HDAC9: variants seen among roughly 807,000 people sequenced by gnomAD.
HDAC9 encodes MEF-2 interacting transcription repressor (MITR) protein.
Under a neutral mutation model 139.4 loss-of-function variants are expected in HDAC9, and 41 were observed. That is an observed-to-expected ratio of 0.29 (90% CI 0.23 to 0.38). The LOEUF (loss-of-function observed/expected upper bound fraction) is 0.38. Ranked by LOEUF, HDAC9 falls within the 10% of genes least tolerant of loss-of-function variation. The pLI, the probability that HDAC9 is intolerant of heterozygous loss-of-function variation, is 1.00. For missense variants in HDAC9, 1,147 were observed against 1,297.0 expected (o/e 0.88, Z 1.78); for synonymous variants, 517 against 476.2 (o/e 1.09, Z -1.12).
rs116698970 is a variant in HDAC9 at position 18,617,780 on chromosome 7, C to T, written c.665-11570C>T. Among the ~76,000 whole-genome samples, 1,394 of 152,160 alleles carry T rather than the reference C, an allele frequency of 9.2e-3. 17 individuals are homozygous for T. Among genetic ancestry groups the T allele is most frequent in the African/African-American group, 0.032 (1,327 of 41,522 alleles). On this transcript the variant is annotated intron_variant, in intron 6 of 25. Transcript: ENST00000686413. ...CTCATAATTGGCACTGAATAAATTT[C>T]TGTTATATGAGTAAATGAATATATG...
chr7:18,163,313 TTTAG>T (rs1479614708), intron 2 of HDAC9, among the ~76,000 whole-genome samples: 2 of 152,178 alleles, frequency 1.3e-5, no homozygotes, highest in African/African-American at 4.8e-5. Flanking sequence ...TCCCTGAGTC[TTTAG>T]TCACAACCAT....
intron 12 of HDAC9, among the ~76,000 whole-genome samples, chr7:18,723,123 T>C (rs1785262518): frequency 6.6e-6 from 1 of 152,186 alleles, no homozygotes; most frequent in Non-Finnish European, 1.5e-5. Context: ...TCTCATATTT[T>C]TTTTCTCAGC....
chr7:18,685,816 A>G (rs554634385), intron 12 of HDAC9, among the ~76,000 whole-genome samples: 32 of 152,108 alleles, frequency 2.1e-4, no homozygotes, highest in African/African-American at 6.3e-4. Context: ...ATATATGCAG[A>G]AATAGCGTGT....
chr7:18,732,617 A>G (rs1340321256), intron 13 of HDAC9, among the ~76,000 whole-genome samples: 1 of 144,534 alleles, frequency 6.9e-6, no homozygotes, highest in Non-Finnish European at 1.5e-5. Flanking sequence ...ATATGTGTAT[A>G]TACACACACG....
intron 22 of HDAC9, among the ~76,000 whole-genome samples, chr7:18,883,573 AAT>A (rs1190861003): frequency 1.3e-5 from 2 of 152,140 alleles, no homozygotes; most frequent in Admixed American, 6.6e-5. Context: ...TAAGGCTATA[AAT>A]ACATCATACT....
chr7:18,922,310 A>G (rs890255321), intron 22 of HDAC9, among the ~76,000 whole-genome samples: 18 of 152,054 alleles, frequency 1.2e-4, no homozygotes, highest in Non-Finnish European at 1.6e-4. Context: ...TTTAAATTCT[A>G]TATGTTTTCT....
At position 18,593,922 on chromosome 7, in the gene HDAC9, C is replaced by T. The variant is rs1831708864; in HGVS notation, c.557C>T (p.Thr186Ile). ...GTCTTTTCTAGGGCTGCCCACCACA[C>T]ATCATTGGATCAAAGCTCTCCACCC... Reference protein sequence around the residue: ...PKLWYTAAHHTSLDQSSPPLS... With the variant: ...PKLWYTAAHHISLDQSSPPLS... The change falls in exon 6 of 26, where the codon ACA becomes ATA. Residue 186 changes from threonine to isoleucine, a missense_variant. Physicochemically the swap from Thr to Ile is moderately conservative, Grantham distance 89. Transcript: ENST00000686413. 2 of 1,612,766 alleles carry T rather than the reference C, an allele frequency of 1.2e-6. No homozygotes were observed.
At chr7:18,861,496 C>T (rs1362014250) in intron 21 of HDAC9, among the ~76,000 whole-genome samples, 1 of 152,102 alleles carries the variant, frequency 6.6e-6, no homozygotes, top group African/African-American at 2.4e-5. Context: ...AGGGAGGTGG[C>T]ATCATTCTCT....
At chr7:18,748,920 T>C (rs1788211818) in intron 13 of HDAC9, 85 bp from the exon 14 acceptor site, 1 of 1,267,464 alleles carries the variant, frequency 7.9e-7, no homozygotes, top group East Asian at 2.5e-5. Flanking sequence ...TAATGACTTT[T>C]TTGGAGTTAT....
intron 2 of HDAC9, among the ~76,000 whole-genome samples, chr7:18,512,329 C>T (rs1801777384): frequency 6.6e-6 from 1 of 152,018 alleles, no homozygotes; most frequent in Non-Finnish European, 1.5e-5. Flanking sequence ...TTATATTGCT[C>T]AGTACAAGGT....
At chr7:18,731,945 A>G (rs115938401) in intron 13 of HDAC9, among the ~76,000 whole-genome samples, 1,921 of 151,344 alleles carry the variant, frequency 0.013, 52 homozygotes, top group African/African-American at 0.044. Context: ...TGATATTCTT[A>G]AGACTATACT....
chr7:18,371,213 G>T lies in HDAC9; in HGVS notation c.-42+80698G>T, dbSNP rs555744763. Reference sequence around the variant, plus strand: ...ATCGAAGTATGGATTTCAATTTAACGATATGTAGGTGCACACTTTTCCCCT... The same window carrying T: ...ATCGAAGTATGGATTTCAATTTAACTATATGTAGGTGCACACTTTTCCCCT... On this transcript the variant is annotated intron_variant, in intron 1 of 3. Transcript: ENST00000413509. Among the ~76,000 whole-genome samples the T allele has an allele frequency of 7.9e-5, 12 of 152,218 alleles. No homozygotes were observed. The Middle Eastern group carries it at 0.01, about 129-fold the overall frequency.
chr7:18,713,232 C>G (rs562212217), intron 12 of HDAC9, among the ~76,000 whole-genome samples: 29 of 152,104 alleles, frequency 1.9e-4, no homozygotes, highest in African/African-American at 6.7e-4. Context: ...ACTAATGAGA[C>G]CACTTAGCAG....
At chr7:18,917,617 A>G (rs554614692) in intron 22 of HDAC9, among the ~76,000 whole-genome samples, 4 of 152,142 alleles carry the variant, frequency 2.6e-5, no homozygotes, top group African/African-American at 9.6e-5. Context: ...ACGAGTGAAG[A>G]GATCACATTT....
intron 21 of HDAC9, among the ~76,000 whole-genome samples, chr7:18,842,280 A>G (rs1380369956): frequency 3.9e-5 from 6 of 152,108 alleles, no homozygotes; most frequent in South Asian, 2.1e-4. Context: ...CAATTTGCCA[A>G]TATGAAATAC....
chr7:18,927,905 C>A (rs1272130900), intron 22 of HDAC9, among the ~76,000 whole-genome samples: 1 of 152,004 alleles, frequency 6.6e-6, no homozygotes, highest in African/African-American at 2.4e-5. Flanking sequence ...TAGAGGCTTT[C>A]CTCAATAGAA....
intron 12 of HDAC9, among the ~76,000 whole-genome samples, chr7:18,719,737 T>G (rs1785001155): frequency 6.6e-6 from 1 of 152,210 alleles, no homozygotes; most frequent in Non-Finnish European, 1.5e-5. Context: ...ATTATAGTTT[T>G]AGATCTTACA....
chr7:18,623,048 G>T (rs1385589857), intron 6 of HDAC9, among the ~76,000 whole-genome samples: 1 of 151,846 alleles, frequency 6.6e-6, no homozygotes, highest in Non-Finnish European at 1.5e-5. Context: ...GGAGGCTGAG[G>T]TAGGAGGATC....
intron 12 of HDAC9, among the ~76,000 whole-genome samples, chr7:18,671,325 C>A (rs1356129949): frequency 6.6e-6 from 1 of 151,924 alleles, no homozygotes; most frequent in Non-Finnish European, 1.5e-5. Flanking sequence ...TGACCACACC[C>A]CTAGAGGTTC....
Sources: allele counts gnomAD v4.1 joint callset (sites outside exome capture counted in the v4.1 genomes callset), GRCh38; gene constraint gnomAD v4.1.1; transcripts MANE v1.5; gene names NCBI Gene and HGNC (gene_info 2026-07-23, HGNC 2026-07-21).